The following COG3 variants were observed in gnomAD, a reference collection of about 807,000 sequenced individuals.
The protein encoded by COG3 is conserved oligomeric Golgi complex subunit 3.
Under a neutral mutation model 114.1 loss-of-function variants are expected in COG3, and 32 were observed. The observed-to-expected ratio is 0.28, with a 90% CI of 0.21 to 0.38. The LOEUF (loss-of-function observed/expected upper bound fraction) is 0.38. Among genes scored for constraint, COG3 ranks in the 10% least tolerant of loss-of-function variants. COG3 has a pLI of 1.00. For missense variants in COG3, 813 were observed against 973.2 expected, an observed-to-expected ratio of 0.84 and a Z score of 2.19; for synonymous variants, 352 against 365.7, an observed-to-expected ratio of 0.96 and a Z score of 0.43.
In COG3 at chr13:45,525,270, T is replaced by A. The variant is rs190502663; in HGVS notation, c.2230+219T>A. Among the ~76,000 whole-genome samples, 251 of 152,164 alleles carry A rather than the reference T, an allele frequency of 1.6e-3. 2 individuals are homozygous for A. The highest frequency in any genetic ancestry group is 5.8e-3 in the African/African-American group (242 of 41,514). ...AAGGAAGGAAGAATTTTTTTTTTTT[T>A]AAATCACCCAGTTAAAAATAAAATA... On this transcript the variant is annotated intron_variant, in intron 20 of 22. Transcript: ENST00000349995.
At chr13:45,469,117 CAG>C (rs1014707853) in intron 1 of COG3, among the ~76,000 whole-genome samples, 4 of 152,150 alleles carry the variant, frequency 2.6e-5, no homozygotes, top group African/African-American at 7.2e-5. Context: ...AACAAGGAAA[CAG>C]GGAGCCTCCT....
At chr13:45,485,160 C>T (rs1886517484) in intron 7 of COG3, among the ~76,000 whole-genome samples, 1 of 147,914 alleles carries the variant, frequency 6.8e-6, no homozygotes, top group African/African-American at 2.5e-5. Context: ...GGGCTCCTCA[C>T]TTCCCAGTAG....
intron 10 of COG3, among the ~76,000 whole-genome samples, chr13:45,491,888 A>C (rs973443679): frequency 7.9e-5 from 12 of 152,202 alleles, no homozygotes; most frequent in Non-Finnish European, 1.6e-4. Flanking sequence ...TAAAAAATGC[A>C]TAAGCGCTCT....
intron 1 of COG3, among the ~76,000 whole-genome samples, chr13:45,471,789 A>G (rs758607328): frequency 6.6e-6 from 1 of 151,566 alleles, no homozygotes; most frequent in East Asian, 1.9e-4. Context: ...CTGGAGTGCA[A>G]TGGCGCGATC....
At chr13:45,481,770 C>G (rs1427324762) in intron 5 of COG3, among the ~76,000 whole-genome samples, 1 of 152,066 alleles carries the variant, frequency 6.6e-6, no homozygotes, top group Non-Finnish European at 1.5e-5. Flanking sequence ...TTCTGTGTTT[C>G]TGACTCATAA....
At position 45,483,222 on chromosome 13, in the gene COG3, C is replaced by T. The variant is rs1886362450; in HGVS notation, c.718-8C>T. 6.3e-7 allele frequency: 1 copy of T among 1,576,518 alleles called. No homozygotes were observed. The highest frequency in any genetic ancestry group is 2.2e-5 in the East Asian group (1 of 44,534). The stretch of plus-strand genomic sequence containing the variant: ...TCCACTTTGTAAATCTTTCTCTTTT[C>T]CTTACAGCCTAATTTTAAAGATTAT... On this transcript the variant is annotated splice_region_variant and splice_polypyrimidine_tract_variant and intron_variant, in intron 6 of 22. Transcript: ENST00000349995.
At chr13:45,496,079 T>A (rs1868727481) in intron 12 of COG3, 73 bp from the exon 13 acceptor site, 1 of 1,458,820 alleles carries the variant, frequency 6.9e-7, no homozygotes, top group Non-Finnish European at 9.3e-7. Context: ...AACAATTTAG[T>A]AACATCTTTG....
chr13:45,516,326 G>T, intron 17 of COG3, 63 bp downstream of exon 17: 1 of 1,339,764 alleles, frequency 7.5e-7, no homozygotes, highest in Non-Finnish European at 9.8e-7. Flanking sequence ...TGTCAGCACA[G>T]GTTTTAGGTT....
chr13:45,484,616 T>A (rs1248116632), intron 7 of COG3, among the ~76,000 whole-genome samples: 5 of 126,734 alleles, frequency 3.9e-5, no homozygotes, highest in East Asian at 2.3e-4. Flanking sequence ...TTATTTATTT[T>A]TTTATTGATA....
intron 8 of COG3, 37 bp from the exon 9 acceptor site, chr13:45,490,876 CAG>C (rs777148555): frequency 1.3e-5 from 17 of 1,264,492 alleles, no homozygotes; most frequent in African/African-American, 1.0e-4. Flanking sequence ...GATAATATAA[CAG>C]AGATGGTTTT....
intron 1 of COG3, among the ~76,000 whole-genome samples, chr13:45,474,451 C>T (rs956002224): frequency 4.6e-5 from 7 of 152,052 alleles, no homozygotes; most frequent in Non-Finnish European, 7.4e-5. Flanking sequence ...CGTGAGCCAC[C>T]GTGCCTGGCC....
rs764047274 is a variant in COG3, at chr13:45,483,251, A to G, written c.739A>G (p.Ile247Val). Residue 247 changes from isoleucine to valine, a missense_variant, in exon 7 of 23, where the codon ATA (isoleucine) becomes GTA (valine). This residue lies in a region of COG3 where 424 missense variants were observed against 430.6 expected (regional missense o/e 0.98). Transcript: ENST00000349995. ...ACAGCCTAATTTTAAAGATTATCCC[A>G]TATATTTGCTGAAGTTTAAACAGTG... ...SSHPNFKDYP[I>V]YLLKFKQCLS... 6.3e-7 allele frequency: 1 copy of G among 1,582,852 alleles called. No homozygotes were observed. The highest frequency in any genetic ancestry group is 8.7e-7 in the Non-Finnish European group (1 of 1,152,746).
intron 1 of COG3, among the ~76,000 whole-genome samples, chr13:45,467,092 G>A (rs1335170755): frequency 6.6e-6 from 1 of 152,234 alleles, no homozygotes; most frequent in Non-Finnish European, 1.5e-5. Flanking sequence ...TAGAGAAAGA[G>A]GGAAGACCTT....
intron 20 of COG3, among the ~76,000 whole-genome samples, chr13:45,527,892 A>G (rs1872825976): frequency 6.6e-6 from 1 of 152,184 alleles, no homozygotes; most frequent in African/African-American, 2.4e-5. Flanking sequence ...CTTCCTGAGA[A>G]TGTCAGCGGC....
intron 22 of COG3, 39 bp downstream of exon 22, chr13:45,530,819 C>G: frequency 6.3e-7 from 1 of 1,589,262 alleles, no homozygotes; most frequent in Non-Finnish European, 8.6e-7. Flanking sequence ...CTTTTATGCC[C>G]TCTTGGTTAT....
intron 13 of COG3, among the ~76,000 whole-genome samples, chr13:45,501,929 C>T (rs1287486294): frequency 4.6e-5 from 7 of 152,194 alleles, no homozygotes; most frequent in Admixed American, 4.6e-4. Context: ...TTTAAACTTA[C>T]TGCATTTTGG....
At chr13:45,473,250 T>TGGAGGTGCCTGTCGCTCCCC (rs987685826) in intron 1 of COG3, among the ~76,000 whole-genome samples, 1 of 152,204 alleles carries the variant, frequency 6.6e-6, no homozygotes, top group Non-Finnish European at 1.5e-5. Context: ...TGTCTCTTCC[T>TGGAGGTGCCTGTCGCTCCCC]GGAGGTGCCT....
At position 45,482,482 on chromosome 13, in the gene COG3, G is replaced by T; in HGVS notation, c.717+9G>T. On this transcript the variant is annotated intron_variant, in intron 6 of 22. Transcript: ENST00000349995. ...CATATATCTCATCTCATGTAAGTCA[G>T]AGTATTTTTGCATGTTTTAAAGAAA... 1 of 1,291,082 alleles carries T rather than the reference G, an allele frequency of 7.7e-7. No individual in the cohort carries two copies. The highest frequency in any genetic ancestry group is 1.3e-5 in the South Asian group (1 of 77,176). 80.0% of individuals were successfully genotyped at this position (1,291,082 alleles called of 1,614,324 possible).
intron 13 of COG3, among the ~76,000 whole-genome samples, chr13:45,496,934 A>G (rs1288068263): frequency 6.6e-6 from 1 of 152,080 alleles, no homozygotes; most frequent in Non-Finnish European, 1.5e-5. Flanking sequence ...CGGCCTCCCA[A>G]GGTGCTGGGA....
Sources: allele counts gnomAD v4.1 joint callset (sites outside exome capture counted in the v4.1 genomes callset), GRCh38; gene constraint gnomAD v4.1.1; regional missense constraint gnomAD v4.1.1; transcripts MANE v1.5; gene names NCBI Gene and HGNC (gene_info 2026-07-23, HGNC 2026-07-21).